LOC128462377: variants seen among roughly 807,000 people sequenced by gnomAD.
chr16:89,340,645 T>A, the LOC128462377 span, among the ~76,000 whole-genome samples: 2 of 152,240 alleles, frequency 1.3e-5, no homozygotes, highest in Admixed American at 6.5e-5. Flanking sequence ...TCATCTTTTT[T>A]TCTAACATGA....
At chr16:89,330,842 A>T in the LOC128462377 span, among the ~76,000 whole-genome samples, 1 of 152,174 alleles carries the variant, frequency 6.6e-6, no homozygotes, top group Non-Finnish European at 1.5e-5. Flanking sequence ...GACACTCTTT[A>T]AACTTCCCCC....
the LOC128462377 span, among the ~76,000 whole-genome samples, chr16:89,382,821 A>T: frequency 5.7e-4 from 87 of 152,238 alleles, 1 homozygote; most frequent in African/African-American, 1.8e-3. Context: ...CATATCCAAG[A>T]AACAAAAGTA....
the LOC128462377 span, among the ~76,000 whole-genome samples, chr16:89,374,034 G>A: frequency 6.6e-6 from 1 of 152,236 alleles, no homozygotes; most frequent in African/African-American, 2.4e-5. Flanking sequence ...CTTCTGCAAA[G>A]CCAGAGTGGA....
chr16:89,343,375 T>C, the LOC128462377 span, among the ~76,000 whole-genome samples: 1 of 152,248 alleles, frequency 6.6e-6, no homozygotes, highest in Non-Finnish European at 1.5e-5. Flanking sequence ...ACACTTTAAT[T>C]GCTTAAACTG....
At chr16:89,373,879 AC>A in the LOC128462377 span, among the ~76,000 whole-genome samples, 1 of 152,244 alleles carries the variant, frequency 6.6e-6, no homozygotes, top group Admixed American at 6.5e-5. Flanking sequence ...TGCACTTGAC[AC>A]AGAGGTGGGG....
At chr16:89,321,378 C>T in the LOC128462377 span, among the ~76,000 whole-genome samples, 191 of 148,008 alleles carry the variant, frequency 1.3e-3, 1 homozygote, top group African/African-American at 4.6e-3. Context: ...TCGGGCGGGG[C>T]AGGACTGGGG....
the LOC128462377 span, among the ~76,000 whole-genome samples, chr16:89,370,468 A>T: frequency 6.6e-6 from 1 of 152,162 alleles, no homozygotes; most frequent in Non-Finnish European, 1.5e-5. Flanking sequence ...CTCCTGCAAG[A>T]TGACACCCAG....
the LOC128462377 span, among the ~76,000 whole-genome samples, chr16:89,398,553 A>G: frequency 6.6e-6 from 1 of 152,110 alleles, no homozygotes; most frequent in South Asian, 2.1e-4. Flanking sequence ...CCCATCTCTT[A>G]AAAAAAATTT....
At chr16:89,401,900 C>G in the LOC128462377 span, among the ~76,000 whole-genome samples, 5 of 151,926 alleles carry the variant, frequency 3.3e-5, no homozygotes, top group African/African-American at 1.2e-4. Context: ...CAGAGACTCC[C>G]CCATCCCCCA....
the LOC128462377 span, among the ~76,000 whole-genome samples, chr16:89,395,369 C>T: frequency 6.6e-6 from 1 of 152,234 alleles, no homozygotes; most frequent in Non-Finnish European, 1.5e-5. Context: ...CATAAGAGCC[C>T]AGTCCTGCAC....
chr16:89,408,385 A>C, the LOC128462377 span, among the ~76,000 whole-genome samples: 9 of 152,382 alleles, frequency 5.9e-5, no homozygotes, highest in Non-Finnish European at 1.2e-4. Context: ...GGCCAGCATC[A>C]GCACCCAGTT....
the LOC128462377 span, among the ~76,000 whole-genome samples, chr16:89,363,077 T>C: frequency 1.1e-4 from 17 of 152,160 alleles, no homozygotes; most frequent in African/African-American, 4.1e-4. Flanking sequence ...AAAAATGGCC[T>C]TGCTGAGGAA....
chr16:89,415,839 A>AAAAAAAAAAAAAAAAAAC, the LOC128462377 span, among the ~76,000 whole-genome samples: 5 of 143,810 alleles, frequency 3.5e-5, no homozygotes, highest in Admixed American at 7.1e-5. Context: ...CAAAAAAAAA[A>AAAAAAAAAAAAAAAAAAC]AAAAAAAAAA....
the LOC128462377 span, among the ~76,000 whole-genome samples, chr16:89,401,367 C>A: frequency 6.6e-6 from 1 of 152,104 alleles, no homozygotes; most frequent in South Asian, 2.1e-4. Context: ...CGAGCCACTG[C>A]GTCTGGCATT....
the LOC128462377 span, among the ~76,000 whole-genome samples, chr16:89,339,140 A>C: frequency 1.3e-5 from 2 of 152,188 alleles, no homozygotes; most frequent in Non-Finnish European, 2.9e-5. Flanking sequence ...TCTCAAGGAC[A>C]CCAACACCAG....
the LOC128462377 span, among the ~76,000 whole-genome samples, chr16:89,397,335 G>C: frequency 6.6e-6 from 1 of 152,318 alleles, no homozygotes; most frequent in East Asian, 1.9e-4. Context: ...GGATTCCACC[G>C]TAAGTGCTGT....
chr16:89,383,387 G>A, the LOC128462377 span, among the ~76,000 whole-genome samples: 3 of 152,254 alleles, frequency 2.0e-5, no homozygotes, highest in African/African-American at 4.8e-5. Flanking sequence ...ACAAGACGAG[G>A]AGATCTGTGC....
chr16:89,319,411 A>T, the LOC128462377 span, among the ~76,000 whole-genome samples: 1 of 152,232 alleles, frequency 6.6e-6, no homozygotes, highest in Non-Finnish European at 1.5e-5. Context: ...AATACTTTTC[A>T]CGGCCTGCAT....
the LOC128462377 span, among the ~76,000 whole-genome samples, chr16:89,393,770 A>C: frequency 6.6e-6 from 1 of 152,084 alleles, no homozygotes; most frequent in African/African-American, 2.4e-5. Flanking sequence ...TCATTCTGGA[A>C]TCTGGCAGAG....
Sources: gnomAD v4.1 joint callset for allele counts (sites outside exome capture counted in the v4.1 genomes callset) on GRCh38, gnomAD v4.1.1 for gene constraint, MANE v1.5 for transcripts.